Variants in CEP63 observed in about 807,000 individuals in gnomAD.
The protein encoded by CEP63 is centrosomal protein of 63 kDa.
Under a neutral mutation model 89.1 loss-of-function variants are expected in CEP63, and 84 were observed. The ratio of observed to expected loss-of-function variants is 0.94; its 90% CI spans 0.79 to 1.13. CEP63 has a LOEUF of 1.13. CEP63 is among the 50% of genes most tolerant of loss of function. The pLI is 0.00. For synonymous variants in CEP63, 267 were observed against 272.5 expected (o/e 0.98, Z 0.20); for missense variants, 838 against 813.3 (o/e 1.03, Z -0.37).
At chr3:134,493,075 A>G (rs1001175803) in intron 1 of CEP63, among the ~76,000 whole-genome samples, 2 of 152,212 alleles carry the variant, frequency 1.3e-5, no homozygotes, top group African/African-American at 4.8e-5. Flanking sequence ...TAAGAATAAC[A>G]TGACCTAAAT....
the CEP63 span, among the ~76,000 whole-genome samples, chr3:134,628,941 C>T: frequency 6.6e-6 from 1 of 152,220 alleles, no homozygotes; most frequent in Non-Finnish European, 1.5e-5. Context: ...TGGCTCACTG[C>T]ATGGACCTAA....
intron 13 of CEP63, among the ~76,000 whole-genome samples, chr3:134,558,627 A>G (rs1956739186): frequency 1.3e-5 from 2 of 152,194 alleles, no homozygotes; most frequent in South Asian, 4.1e-4. Context: ...CCACCTCTTC[A>G]ACCCCATTTG....
rs1172748423 is a variant in CEP63 at position 134,549,156 on chromosome 3, T to A, written c.1162T>A (p.Tyr388Asn). 2 of 1,609,160 alleles carry A rather than the reference T, an allele frequency of 1.2e-6. No homozygotes were observed. Among genetic ancestry groups the A allele is most frequent in the Non-Finnish European group, 1.7e-6 (2 of 1,175,696 alleles). The change falls in exon 10 of 15, where the codon TAC becomes AAC. Residue 388 changes from tyrosine to asparagine, a missense_variant. Coordinates refer to ENST00000675561, the MANE Select transcript of CEP63 (RefSeq NM_001353108.3). The part of the protein sequence containing the change: ...LKRMEAHNNE[Y>N]KAEIKKLKEQ... ...GAGGATGGAAGCACATAACAATGAA[T>A]ACAAAGCAGAGATTAAGAAGGTAAA... is the stretch of plus-strand genomic sequence containing the variant.
intron 1 of CEP63, among the ~76,000 whole-genome samples, chr3:134,491,043 T>C (rs1212200863): frequency 6.6e-6 from 1 of 152,232 alleles, no homozygotes; most frequent in Non-Finnish European, 1.5e-5. Flanking sequence ...CCTGTGGATA[T>C]GTTGTTTTGC....
the CEP63 span, among the ~76,000 whole-genome samples, chr3:134,717,194 G>A: frequency 4.6e-3 from 706 of 152,308 alleles, 3 homozygotes; most frequent in African/African-American, 0.016. Context: ...AATGGCTGAG[G>A]CAGGTGAATA....
the CEP63 span, among the ~76,000 whole-genome samples, chr3:134,636,630 C>G: frequency 6.6e-6 from 1 of 152,210 alleles, no homozygotes; most frequent in African/African-American, 2.4e-5. Flanking sequence ...CACCCAAGAC[C>G]CAAGATCAGC....
At chr3:134,745,727 C>A in the CEP63 span, among the ~76,000 whole-genome samples, 1 of 151,988 alleles carries the variant, frequency 6.6e-6, no homozygotes, top group Non-Finnish European at 1.5e-5. Flanking sequence ...TGTTCCCCGC[C>A]CTGTATCCAA....
the CEP63 span, among the ~76,000 whole-genome samples, chr3:134,686,600 A>G: frequency 1.3e-5 from 2 of 152,048 alleles, no homozygotes; most frequent in African/African-American, 4.8e-5. Context: ...CATAAGCTTG[A>G]CTCATCCCCA....
chr3:134,585,260 G>A (rs1429360693), intron 10 of CEP63, among the ~76,000 whole-genome samples: 1 of 151,938 alleles, frequency 6.6e-6, no homozygotes, highest in African/African-American at 2.4e-5. Context: ...TGCTTCTCTA[G>A]TTCTTTTAAT....
intron 11 of CEP63, among the ~76,000 whole-genome samples, chr3:134,572,991 T>C (rs1185651422): frequency 6.6e-6 from 1 of 152,234 alleles, no homozygotes; most frequent in Non-Finnish European, 1.5e-5. Flanking sequence ...GGTTTTCTTT[T>C]GCATTTCTCT....
At chr3:134,775,137 A>G in the CEP63 span, among the ~76,000 whole-genome samples, 3 of 151,654 alleles carry the variant, frequency 2.0e-5, no homozygotes, top group Non-Finnish European at 2.9e-5. Flanking sequence ...TCACTTCCCC[A>G]CTCACCTACC....
the CEP63 span, among the ~76,000 whole-genome samples, chr3:134,761,354 G>C: frequency 6.6e-6 from 1 of 152,200 alleles, no homozygotes; most frequent in African/African-American, 2.4e-5. Context: ...AACAAGGCCT[G>C]CTGCAGCTCA....
chr3:134,733,885 C>T, the CEP63 span, among the ~76,000 whole-genome samples: 1 of 150,952 alleles, frequency 6.6e-6, no homozygotes, highest in Admixed American at 6.6e-5. Context: ...GGATACTTCC[C>T]TAACATAATA....
chr3:134,713,263 G>A, the CEP63 span, among the ~76,000 whole-genome samples: 1 of 152,090 alleles, frequency 6.6e-6, no homozygotes, highest in East Asian at 1.9e-4. Context: ...GAACCCAGGG[G>A]GACATCCTGA....
chr3:134,664,329 G>A, the CEP63 span, among the ~76,000 whole-genome samples: 1 of 152,308 alleles, frequency 6.6e-6, no homozygotes, highest in South Asian at 2.1e-4. Flanking sequence ...GGCAAAATGA[G>A]GCAATGCAGA....
intron 3 of CEP63, among the ~76,000 whole-genome samples, chr3:134,522,971 A>G (rs1947813414): frequency 6.6e-6 from 1 of 152,056 alleles, no homozygotes; most frequent in South Asian, 2.1e-4. Flanking sequence ...TCTTTAAGGG[A>G]TCACCATCAT....
chr3:134,593,868 C>A, the CEP63 span, among the ~76,000 whole-genome samples: 1 of 152,320 alleles, frequency 6.6e-6, no homozygotes, highest in Non-Finnish European at 1.5e-5. Context: ...CGTGTTCTCT[C>A]CACTGTGTTG....
At chr3:134,650,028 G>A in the CEP63 span, among the ~76,000 whole-genome samples, 1 of 152,228 alleles carries the variant, frequency 6.6e-6, no homozygotes, top group Non-Finnish European at 1.5e-5. Context: ...GGACCCTGAG[G>A]TTCTCTGGCT....
intron 1 of CEP63, among the ~76,000 whole-genome samples, chr3:134,489,158 CAAA>C (rs765548189): frequency 1.8e-4 from 11 of 60,710 alleles, no homozygotes; most frequent in African/African-American, 1.6e-4. Context: ...GAGACTGTCT[CAAA>C]AAAAAAAAAA....
Sources: gnomAD v4.1 joint callset for allele counts (sites outside exome capture counted in the v4.1 genomes callset) on GRCh38, gnomAD v4.1.1 for gene constraint, MANE v1.5 for transcripts, NCBI Gene and HGNC (gene_info 2026-07-23, HGNC 2026-07-21) for gene names.